SOBP: variants seen among roughly 807,000 people sequenced by gnomAD.
The protein encoded by SOBP is sine oculis binding protein homolog, also known as sine oculis-binding protein homolog.
Under a neutral mutation model 53.6 loss-of-function variants are expected in SOBP, and 4 were observed. The observed-to-expected ratio is 0.07, with a 90% confidence interval of 0.04 to 0.17. SOBP has a LOEUF of 0.17. Among genes scored for constraint, SOBP ranks in the 10% least tolerant of loss-of-function variants. The pLI is 1.00. For synonymous variants in SOBP, 584 were observed against 522.6 expected (o/e 1.12, Z -1.60); for missense variants, 1,088 against 1,204.7 (o/e 0.90, Z 1.43).
chr6:107,568,151 G>A (rs921411657), intron 4 of SOBP, among the ~76,000 whole-genome samples: 2 of 152,062 alleles, frequency 1.3e-5, no homozygotes, highest in Non-Finnish European at 2.9e-5. Context: ...GTTAAATGGC[G>A]AGAGTCATTT....
intron 3 of SOBP, among the ~76,000 whole-genome samples, chr6:107,523,563 G>A (rs1783574820): frequency 6.6e-6 from 1 of 152,186 alleles, no homozygotes; most frequent in African/African-American, 2.4e-5. Flanking sequence ...TGAGTGCTTG[G>A]GCCCTCCCAG....
At chr6:107,519,053 A>C (rs551375439) in intron 3 of SOBP, among the ~76,000 whole-genome samples, 1 of 150,680 alleles carries the variant, frequency 6.6e-6, no homozygotes, top group African/African-American at 2.5e-5. Flanking sequence ...TAAGGCATAG[A>C]TATACCCCTC....
chr6:107,615,811 A>T (rs1397289915), intron 5 of SOBP, among the ~76,000 whole-genome samples: 1 of 151,774 alleles, frequency 6.6e-6, no homozygotes, highest in Non-Finnish European at 1.5e-5. Flanking sequence ...AAAGAAGATG[A>T]CTAGTTAGAG....
intron 4 of SOBP, among the ~76,000 whole-genome samples, chr6:107,575,736 T>G (rs4645455): frequency 0.33 from 49,560 of 151,298 alleles, 8,430 homozygotes; most frequent in South Asian, 0.51. Context: ...ATAATAATAA[T>G]AAGAAGAAGA....
At chr6:107,599,814 A>G (rs1207437429) in intron 5 of SOBP, among the ~76,000 whole-genome samples, 3 of 152,228 alleles carry the variant, frequency 2.0e-5, no homozygotes, top group African/African-American at 7.2e-5. Flanking sequence ...GATTTGATAA[A>G]TCAGTTTTCC....
intron 4 of SOBP, among the ~76,000 whole-genome samples, chr6:107,556,393 A>G: frequency 6.6e-6 from 1 of 152,254 alleles, no homozygotes. Flanking sequence ...CCAGTGCTAT[A>G]CTTCTGTGCA....
chr6:107,532,819 C>T (rs776029425), intron 3 of SOBP, among the ~76,000 whole-genome samples: 32 of 152,166 alleles, frequency 2.1e-4, no homozygotes, highest in Admixed American at 1.0e-3. Context: ...ACACCAGTGC[C>T]GGAAGGCTGC....
At chr6:107,494,121 A>G (rs1344082570) in intron 1 of SOBP, among the ~76,000 whole-genome samples, 3 of 152,182 alleles carry the variant, frequency 2.0e-5, no homozygotes, top group Non-Finnish European at 2.9e-5. Context: ...CCTGATTAGA[A>G]AGACTGGTTG....
rs1158241407 is a variant in SOBP, at chr6:107,490,336, C to CGGT, written c.-279_-278insTGG. The CGGT allele has an allele frequency of 6.4e-6, 1 of 155,974 alleles. No homozygotes were observed. The highest frequency in any genetic ancestry group is 2.4e-5 in the African/African-American group (1 of 41,052). 9.7% of individuals were successfully genotyped at this position (155,974 alleles called of 1,614,324 possible). ...GCAGCGGCGGCGTTGGCTGCGGCGG[C>CGGT]GGCGGCGGCGGCAGCAGGAGCCGGA... is the stretch of plus-strand genomic sequence containing the variant. On this transcript the variant is annotated 5_prime_UTR_variant, in exon 1 of 7. Transcript: ENST00000317357.
intron 3 of SOBP, among the ~76,000 whole-genome samples, chr6:107,523,351 TA>T (rs1258605102): frequency 6.6e-5 from 10 of 152,254 alleles, no homozygotes; most frequent in African/African-American, 2.4e-4. Flanking sequence ...AATAAATATT[TA>T]AAGGTGAGAA....
At position 107,532,247 on chromosome 6, in the gene SOBP, A is replaced by T. The variant is rs1454968557; in HGVS notation, c.422-1212A>T. ...CAATCAGTCTCTCTCTCTCTCACACACACACACACACACACACACACACAC... is the reference window on the plus strand; with the variant it reads ...CAATCAGTCTCTCTCTCTCTCACACTCACACACACACACACACACACACAC... On this transcript the variant is annotated intron_variant, in intron 3 of 6. Coordinates refer to ENST00000317357, the MANE Select transcript of SOBP (RefSeq NM_018013.4). 9.9e-4 allele frequency among the ~76,000 whole-genome samples: 143 copies of T among 144,378 alleles called. 1 individual carries two copies. The highest frequency in any genetic ancestry group is 7.5e-3 in the East Asian group (38 of 5,094). 94.7% of individuals were successfully genotyped at this position (144,378 alleles called of 152,430 possible).
At chr6:107,509,379 A>C (rs1414681481) in intron 3 of SOBP, among the ~76,000 whole-genome samples, 1 of 149,244 alleles carries the variant, frequency 6.7e-6, no homozygotes, top group Non-Finnish European at 1.5e-5. Flanking sequence ...GGGCAACAAG[A>C]GTGAAACTCC....
At chr6:107,492,882 CT>C (rs1199953690) in intron 1 of SOBP, among the ~76,000 whole-genome samples, 1 of 152,130 alleles carries the variant, frequency 6.6e-6, no homozygotes, top group African/African-American at 2.4e-5. Context: ...TAAAATACCC[CT>C]AACCAAAAAT....
intron 4 of SOBP, among the ~76,000 whole-genome samples, chr6:107,580,904 G>A (rs1254363445): frequency 6.6e-6 from 1 of 152,180 alleles, no homozygotes. Context: ...TGAGACTCGG[G>A]TATGGAGAAG....
intron 3 of SOBP, among the ~76,000 whole-genome samples, chr6:107,530,565 G>A (rs549487292): frequency 1.3e-5 from 2 of 151,824 alleles, no homozygotes; most frequent in Non-Finnish European, 2.9e-5. Flanking sequence ...TATAAATCTA[G>A]AATGCCTGAA....
At chr6:107,524,934 C>T (rs1038695874) in intron 3 of SOBP, among the ~76,000 whole-genome samples, 4 of 152,206 alleles carry the variant, frequency 2.6e-5, no homozygotes, top group African/African-American at 7.2e-5. Flanking sequence ...CACACTCTCT[C>T]TCCTTTTCAA....
intron 4 of SOBP, among the ~76,000 whole-genome samples, chr6:107,559,357 G>A (rs985456684): frequency 2.6e-5 from 4 of 152,116 alleles, no homozygotes; most frequent in Admixed American, 6.5e-5. Flanking sequence ...GGCTGTACAA[G>A]TAAAGGCTAC....
intron 5 of SOBP, among the ~76,000 whole-genome samples, chr6:107,616,766 A>G (rs952168381): frequency 3.9e-5 from 6 of 152,218 alleles, no homozygotes; most frequent in Admixed American, 6.5e-5. Context: ...TGGGGGCTGT[A>G]ATCTCCGAAG....
At chr6:107,587,553 G>C (rs1416863589) in intron 5 of SOBP, among the ~76,000 whole-genome samples, 1 of 152,156 alleles carries the variant, frequency 6.6e-6, no homozygotes, top group Non-Finnish European at 1.5e-5. Flanking sequence ...TATTTTAGGA[G>C]ACAACATGGT....
Sources: gnomAD v4.1 joint callset for allele counts (sites outside exome capture counted in the v4.1 genomes callset) on GRCh38, gnomAD v4.1.1 for gene constraint, MANE v1.5 for transcripts, NCBI Gene and HGNC (gene_info 2026-07-23, HGNC 2026-07-21) for gene names.